The following TLR3 variants were observed in gnomAD, a reference collection of about 807,000 sequenced individuals.
TLR3 encodes toll-like receptor 3.
A neutral mutation model predicts 66.4 loss-of-function variants in TLR3; 43 were observed. The ratio of observed to expected loss-of-function variants is 0.65; its 90% confidence interval spans 0.51 to 0.83. The LOEUF (loss-of-function observed/expected upper bound fraction) is 0.83. Among genes scored for constraint, TLR3 ranks in the 40% least tolerant of loss-of-function variants. The pLI is 0.00. For missense variants in TLR3, 982 were observed against 1,044.6 expected, an observed-to-expected ratio of 0.94 and a Z score of 0.83; for synonymous variants, 397 against 397.2, an observed-to-expected ratio of 1.00 and a Z score of 0.01.
In TLR3 at chr4:186,078,018, C is replaced by T. The variant is rs181856830; in HGVS notation, c.442-822C>T. On this transcript the variant is annotated intron_variant, in intron 2 of 4. Coordinates refer to ENST00000296795, the MANE Select transcript of TLR3 (RefSeq NM_003265.3). Reference sequence around the variant, plus strand: ...TGTGAAACATAAAGTGATTTGCTCCCTAGCTATTTTAAATCTTTTCTTGGG... The same window carrying T: ...TGTGAAACATAAAGTGATTTGCTCCTTAGCTATTTTAAATCTTTTCTTGGG... Among the ~76,000 whole-genome samples the T allele has an allele frequency of 4.6e-5, 7 of 152,246 alleles. No homozygotes were observed. The East Asian group carries it at 1.4e-3, about 29-fold the overall frequency.
In TLR3 at chr4:186,086,265, A is replaced by T. The variant is rs1241450900; in HGVS notation, c.*1392A>T. 6.6e-6 allele frequency: 1 copy of T among 152,250 alleles called. No individual in the cohort carries two copies. The highest frequency in any genetic ancestry group is 6.5e-5 in the Admixed American group (1 of 15,290). The allele number at this position is 152,250 out of a possible 1,614,324, so 9.4% of individuals were successfully genotyped here. A position where few individuals can be genotyped will look rare whatever the true frequency, so the allele number is the denominator to read the frequency against. On this transcript the variant is annotated 3_prime_UTR_variant, in exon 5 of 5. Coordinates refer to ENST00000296795, the MANE Select transcript of TLR3 (RefSeq NM_003265.3). ...CTGAATAGCTTTTTGAAATATTTAT[A>T]GTTCTAGTATTTAAAGAGAAACCTG...
intron 4 of TLR3, 49 bp downstream of exon 4, chr4:186,084,221 A>ACTTCT (rs369188057): frequency 6.8e-7 from 1 of 1,481,300 alleles, no homozygotes; most frequent in Non-Finnish European, 9.3e-7. Flanking sequence ...TTTCAATTAA[A>ACTTCT]TTTCTTTTTT....
chr4:186,076,598 G>A lies in TLR3; in HGVS notation c.-7-15G>A, dbSNP rs775098765. On this transcript the variant is annotated splice_polypyrimidine_tract_variant and intron_variant, in intron 1 of 4. Transcript: ENST00000296795. ...ATTAATGTTGCTCATACTTTTTAAT[G>A]TTTCTTTTCTACAGCAGAATCATGA... 6.2e-7 allele frequency: 1 copy of A among 1,613,374 alleles called. No homozygotes were observed. Among genetic ancestry groups the A allele is most frequent in the Non-Finnish European group, 8.5e-7 (1 of 1,179,408 alleles).
At chr4:186,084,588 A>G in intron 4 of TLR3, 57 bp from the exon 5 acceptor site, 1 of 1,167,446 alleles carries the variant, frequency 8.6e-7, no homozygotes, top group Non-Finnish European at 1.3e-6. Flanking sequence ...TTTAAATAGT[A>G]TTGCTTCTGG....
Position 186,083,914 on chromosome 4 carries a change from G to C in TLR3, c.2228G>C (p.Gly743Ala). The change falls in exon 4 of 5, where the codon GGT becomes GCT. Residue 743 changes from glycine (G) to alanine (A), a missense_variant. Physicochemically the swap from Gly to Ala is moderately conservative, Grantham distance 60. Coordinates refer to ENST00000296795, the MANE Select transcript of TLR3 (RefSeq NM_003265.3). The surrounding 1 kb of genome is among the most constrained non-coding windows in gnomAD (Gnocchi z 4.0). The part of the protein sequence containing the change: ...YWNVSVHRVL[G>A]FKEIDRQTEQ... ...AATGTTTCAGTACATCGAGTTCTTG[G>C]TTTCAAAGAAATAGACAGACAGACA... is the stretch of plus-strand genomic sequence containing the variant. The C allele has an allele frequency of 7.4e-6, 12 of 1,614,154 alleles. No individual in the cohort carries two copies. The highest frequency in any genetic ancestry group is 1.0e-5 in the Non-Finnish European group (12 of 1,180,028).
In TLR3 at chr4:186,085,891, G is replaced by C. The variant is rs2099304273; in HGVS notation, c.*1018G>C. 1 of 152,158 alleles carries C rather than the reference G, an allele frequency of 6.6e-6. No individual in the cohort carries two copies. The highest frequency in any genetic ancestry group is 2.4e-5 in the African/African-American group (1 of 41,404). 9.4% of individuals were successfully genotyped at this position (152,158 alleles called of 1,614,324 possible). A position where few individuals can be genotyped will look rare whatever the true frequency, so the allele number is the denominator to read the frequency against. On this transcript the variant is annotated 3_prime_UTR_variant, in exon 5 of 5. Transcript: ENST00000296795. ...TTTATTTGTTTGTTTTTGAGACAGAGTCTGGCTCTGTCGCCCAGGCTGGAG... is the reference window on the plus strand; with the variant it reads ...TTTATTTGTTTGTTTTTGAGACAGACTCTGGCTCTGTCGCCCAGGCTGGAG...
chr4:186,079,076 G>T (rs1389529091), intron 3 of TLR3, 45 bp downstream of exon 3: 2 of 1,509,862 alleles, frequency 1.3e-6, no homozygotes, highest in Non-Finnish European at 1.8e-6. Flanking sequence ...CTTTAAGGTG[G>T]ATAGTCCCTA....
intron 3 of TLR3, 146 bp downstream of exon 3, chr4:186,079,177 C>T (rs2099302981): frequency 1.3e-6 from 1 of 799,454 alleles, no homozygotes; most frequent in South Asian, 1.8e-5. Flanking sequence ...GCATTGGTGT[C>T]ATCCTCCTGA....
At position 186,075,554 on chromosome 4, in the gene TLR3, C is replaced by T. The variant is rs575668485; in HGVS notation, c.-7-1059C>T. Among the ~76,000 whole-genome samples the T allele has an allele frequency of 1.3e-4, 19 of 151,982 alleles. No homozygotes were observed. In the South Asian group the frequency reaches 2.5e-3, roughly 20 times the overall value. On this transcript the variant is annotated intron_variant, in intron 1 of 4. Coordinates refer to ENST00000296795, the MANE Select transcript of TLR3 (RefSeq NM_003265.3). ...CTGAGGTGGAAGGAACCCTTGAGCC[C>T]GAGAGTTGGAAGCTGCAGTGAGCCA... is the stretch of plus-strand genomic sequence containing the variant.
At position 186,083,883 on chromosome 4, in the gene TLR3, T is replaced by C; in HGVS notation, c.2197T>C (p.Tyr733His). Residue 733 changes from tyrosine to histidine, a missense_variant, in exon 4 of 5, where the codon TAT becomes CAT. Coordinates refer to ENST00000296795, the MANE Select transcript of TLR3 (RefSeq NM_003265.3). This position sits in a 1 kb window ranked among gnomAD's most constrained non-coding sequence, Gnocchi z 4.0. ...IHFEGWRISF[Y>H]WNVSVHRVLG... is the part of the protein sequence containing the mutation. ...CTTTGAGGGCTGGAGGATATCTTTTTATTGGAATGTTTCAGTACATCGAGT... is the reference window on the plus strand; with the variant it reads ...CTTTGAGGGCTGGAGGATATCTTTTCATTGGAATGTTTCAGTACATCGAGT... 2 of 1,614,228 alleles carry C rather than the reference T, an allele frequency of 1.2e-6. No individual in the cohort carries two copies. Among genetic ancestry groups the C allele is most frequent in the South Asian group, 2.2e-5 (2 of 91,090 alleles).
rs192543136 is a variant in TLR3, at chr4:186,083,456, C to T, written c.1770C>T (p.Ile590=). 1 of 1,611,212 alleles carries T rather than the reference C, an allele frequency of 6.2e-7. No homozygotes were observed. Among genetic ancestry groups the T allele is most frequent in the East Asian group, 2.2e-5 (1 of 44,810 alleles). ...EVFKDLFELK[I]IDLGLNNLNT... ...TCAAGGATTTATTTGAACTAAAGATCATCGATTTAGGATTGAATAATTTAA... is the reference window on the plus strand; with the variant it reads ...TCAAGGATTTATTTGAACTAAAGATTATCGATTTAGGATTGAATAATTTAA... Residue 590 remains isoleucine (I), a synonymous_variant, in exon 4 of 5, where the codon ATC becomes ATT. Coordinates refer to ENST00000296795, the MANE Select transcript of TLR3 (RefSeq NM_003265.3). The surrounding 1 kb of genome is among the most constrained non-coding windows in gnomAD (Gnocchi z 4.0).
chr4:186,075,685 A>G (rs1230930561), intron 1 of TLR3, among the ~76,000 whole-genome samples: 1 of 152,106 alleles, frequency 6.6e-6, no homozygotes, highest in Non-Finnish European at 1.5e-5. Flanking sequence ...ATATTTACTG[A>G]CTTTAGATTT....
rs745969171 is a variant in TLR3 at position 186,082,279 on chromosome 4, G to T, written c.634-41G>T. On this transcript the variant is annotated intron_variant, in intron 3 of 4. Coordinates refer to ENST00000296795, the MANE Select transcript of TLR3 (RefSeq NM_003265.3). ...CTTTCAACAGCATTACAGAGTCTGTGTTCTTTTGATTGTTAACCTCTTTTT... is the reference window on the plus strand; with the variant it reads ...CTTTCAACAGCATTACAGAGTCTGTTTTCTTTTGATTGTTAACCTCTTTTT... The T allele has an allele frequency of 3.2e-6, 4 of 1,238,446 alleles. No homozygotes were observed. The East Asian group carries it at 1.0e-4, about 32-fold the overall frequency. 76.7% of individuals were successfully genotyped at this position (1,238,446 alleles called of 1,614,324 possible).
rs1219003162 is a variant in TLR3, at chr4:186,078,981, GC to G, written c.585del (p.Asn196IlefsTer4). The G allele has an allele frequency of 6.2e-7, 1 of 1,613,870 alleles. No homozygotes were observed. Among genetic ancestry groups the G allele is most frequent in the African/African-American group, 1.3e-5 (1 of 75,030 alleles). ...ALKSEELDIF[A>X]NSSLKKLELS... Reference sequence around the variant, plus strand: ...AAAAAGTGAAGAACTGGATATCTTTGCCAATTCATCTTTAAAAAAATTAGAG... The same window carrying G: ...AAAAAGTGAAGAACTGGATATCTTTGCAATTCATCTTTAAAAAAATTAGAG... On this transcript the variant is annotated frameshift_variant, in exon 3 of 5. Coordinates refer to ENST00000296795, the MANE Select transcript of TLR3 (RefSeq NM_003265.3). LOFTEE classifies it high-confidence loss of function.
intron 1 of TLR3, among the ~76,000 whole-genome samples, chr4:186,074,224 TTC>T (rs1400530945): frequency 6.6e-6 from 1 of 152,178 alleles, no homozygotes; most frequent in Non-Finnish European, 1.5e-5. Flanking sequence ...TGGGGATATG[TTC>T]TGAGAAATGC....
At chr4:186,080,685 G>A (rs776019104) in intron 3 of TLR3, among the ~76,000 whole-genome samples, 1 of 151,978 alleles carries the variant, frequency 6.6e-6, no homozygotes. Flanking sequence ...TCCGACTCCC[G>A]GGTTCAAGCG....
intron 1 of TLR3, among the ~76,000 whole-genome samples, chr4:186,074,322 CA>C (rs1278841467): frequency 1.3e-5 from 2 of 152,216 alleles, no homozygotes; most frequent in African/African-American, 4.8e-5. Flanking sequence ...GCCCAGCCTG[CA>C]AAACCAGACA....
At position 186,083,172 on chromosome 4, in the gene TLR3, G is replaced by C; in HGVS notation, c.1486G>C (p.Asp496His). The part of the protein sequence containing the change: ...MLRRVALKNV[D>H]SSPSPFQPLR... Reference sequence around the variant, plus strand: ...CCGAAGGGTGGCCCTTAAAAATGTGGATAGCTCTCCTTCACCATTCCAGCC... The same window carrying C: ...CCGAAGGGTGGCCCTTAAAAATGTGCATAGCTCTCCTTCACCATTCCAGCC... The change falls in exon 4 of 5, where the codon GAT becomes CAT. Residue 496 changes from aspartate (D) to histidine (H), a missense_variant. Transcript: ENST00000296795. This position sits in a 1 kb window ranked among gnomAD's most constrained non-coding sequence, Gnocchi z 4.0. 6.2e-7 allele frequency: 1 copy of C among 1,614,154 alleles called. No individual in the cohort carries two copies. Among genetic ancestry groups the C allele is most frequent in the Non-Finnish European group, 8.5e-7 (1 of 1,180,020 alleles).
Position 186,082,973 on chromosome 4 carries a change from G to A in TLR3, c.1287G>A (p.Trp429Ter). The part of the protein sequence containing the change: ...ISKIESDAFS[W>*]LGHLEVLDLG... ...AAATAGAGAGTGATGCTTTCTCTTG[G>A]TTGGGCCACCTAGAAGTACTTGACC... Residue 429 changes from tryptophan to a stop codon, truncating the protein, a stop_gained, in exon 4 of 5, where the codon TGG becomes TGA. Coordinates refer to ENST00000296795, the MANE Select transcript of TLR3 (RefSeq NM_003265.3). LOFTEE classifies it high-confidence loss of function. The A allele has an allele frequency of 6.2e-7, 1 of 1,614,132 alleles. No homozygotes were observed. The highest frequency in any genetic ancestry group is 8.5e-7 in the Non-Finnish European group (1 of 1,180,022).
Sources: gnomAD v4.1 joint callset for allele counts (sites outside exome capture counted in the v4.1 genomes callset) on GRCh38, gnomAD v4.1.1 for gene constraint, Gnocchi (gnomAD v3.1) non-coding constraint, MANE v1.5 for transcripts, NCBI Gene and HGNC (gene_info 2026-07-23, HGNC 2026-07-21) for gene names.